The following POLR1B variants were observed in gnomAD, a reference collection of about 807,000 sequenced individuals.
POLR1B encodes the protein DNA-directed RNA polymerase I subunit RPA2.
A neutral mutation model predicts 105.8 loss-of-function variants in POLR1B; 30 were observed. That is an observed-to-expected ratio of 0.28 (90% CI 0.21 to 0.38). The LOEUF (loss-of-function observed/expected upper bound fraction) is 0.38, where lower values mean the gene tolerates loss of function less well. Ranked by LOEUF, POLR1B falls within the 10% of genes least tolerant of loss-of-function variation. The pLI, the probability that POLR1B is intolerant of heterozygous loss-of-function variation, is 1.00. For missense variants in POLR1B, 976 were observed against 1,435.8 expected, an observed-to-expected ratio of 0.68 and a Z score of 5.17; for synonymous variants, 485 against 505.1, an observed-to-expected ratio of 0.96 and a Z score of 0.53.
chr2:112,548,295 T>C (rs1195998950), intron 3 of POLR1B: 1 of 152,170 alleles, frequency 6.6e-6, no homozygotes, highest in Non-Finnish European at 1.5e-5. Context: ...ATCAGTCTTG[T>C]GGTTTGGGGA....
chr2:112,566,735 CTTTTT>C (rs35459414), intron 10 of POLR1B, among the ~76,000 whole-genome samples: 1 of 142,376 alleles, frequency 7.0e-6, no homozygotes. Context: ...AATCATTCCT[CTTTTT>C]TTTTTTTTTT....
chr2:112,550,773 G>A (rs1383495472), intron 4 of POLR1B, 93 bp from the exon 5 acceptor site: 17 of 1,327,768 alleles, frequency 1.3e-5, no homozygotes, highest in Non-Finnish European at 1.8e-5. Context: ...GGCTTTAATT[G>A]TGTCTAAGAG....
Position 112,551,929 on chromosome 2 carries a change from A to T in POLR1B, c.917A>T (p.Glu306Val), listed in dbSNP as rs1174669786. 6.2e-7 allele frequency: 1 copy of T among 1,614,200 alleles called. No homozygotes were observed. Among genetic ancestry groups the T allele is most frequent in the South Asian group, 1.1e-5 (1 of 91,086 alleles). The change falls in exon 6 of 15, where the codon GAA becomes GTA. Residue 306 changes from glutamate (E) to valine (V), a missense_variant. Around this residue, in one of 12 missense-constraint regions of POLR1B, gnomAD observed 452 missense variants for 616.5 expected, o/e 0.73. Transcript: ENST00000263331. ...TQKQVLNYLGECFRVKLNVPD... is the reference protein window; with the variant it reads ...TQKQVLNYLGVCFRVKLNVPD... Reference sequence around the variant, plus strand: ...AAACAGGTCCTTAACTACCTAGGTGAATGCTTCAGAGTAAAACTCAATGTT... The same window carrying T: ...AAACAGGTCCTTAACTACCTAGGTGTATGCTTCAGAGTAAAACTCAATGTT...
In POLR1B at chr2:112,578,148, A is replaced by C. The variant is rs1348012001; in HGVS notation, c.*2419A>C. ...TCACCACTAAGAAATTGGCATTGGA[A>C]CAGTCCACAGAGCTTATTCAAATTT... On this transcript the variant is annotated 3_prime_UTR_variant, in exon 15 of 15. Coordinates refer to ENST00000263331, the MANE Select transcript of POLR1B (RefSeq NM_019014.6). 6.6e-6 allele frequency among the ~76,000 whole-genome samples: 1 copy of C among 152,222 alleles called. No homozygotes were observed. The highest frequency in any genetic ancestry group is 2.4e-5 in the African/African-American group (1 of 41,458).
chr2:112,572,563 T>G lies in POLR1B; in HGVS notation c.2076T>G (p.Gly692=). Residue 692 remains glycine, a splice_region_variant and synonymous_variant, in exon 13 of 15, where the codon GGT becomes GGG. Transcript: ENST00000263331. ...CTAAGATGTTTTTTCTCCATGTAGG[T>G]AAGCAAACTATGGGCTTTCCACTTC... is the stretch of plus-strand genomic sequence containing the variant. ...SPRNMYQCQM[G]KQTMGFPLLT... 6.4e-7 allele frequency: 1 copy of G among 1,566,002 alleles called. No homozygotes were observed. Among genetic ancestry groups the G allele is most frequent in the East Asian group, 2.3e-5 (1 of 43,544 alleles).
intron 3 of POLR1B, chr2:112,548,179 G>A (rs60703755): frequency 0.55 from 83,579 of 152,088 alleles, 23,258 homozygotes; most frequent in Middle Eastern, 0.69. Flanking sequence ...TTGAGTTGAG[G>A]TAATCAAGAT....
At position 112,564,475 on chromosome 2, in the gene POLR1B, C is replaced by T. The variant is rs373513321; in HGVS notation, c.1722C>T (p.Ile574=). Residue 574 remains isoleucine (I), a synonymous_variant, in exon 10 of 15, where the codon ATC becomes ATT. Coordinates refer to ENST00000263331, the MANE Select transcript of POLR1B (RefSeq NM_019014.6). The part of the protein sequence containing the change: ...GWVDKDLAPG[I]ADSLRHFKVL... ...TGGATAAGGATCTTGCTCCAGGCAT[C>T]GCAGATTCTCTTCGTCATTTTAAGG... 122 of 1,614,146 alleles carry T rather than the reference C, an allele frequency of 7.6e-5. 1 individual carries two copies. The highest frequency in any genetic ancestry group is 3.6e-4 in the South Asian group (33 of 91,090).
chr2:112,558,917 C>CT (rs34385497), intron 8 of POLR1B, among the ~76,000 whole-genome samples: 71,021 of 141,542 alleles, frequency 0.5, 18,164 homozygotes, highest in East Asian at 0.66. Context: ...TGTGCCCCGC[C>CT]TTTTTTTTTT....
At chr2:112,573,879 G>A in intron 14 of POLR1B, 64 bp downstream of exon 14, 1 of 1,555,400 alleles carries the variant, frequency 6.4e-7, no homozygotes, top group Non-Finnish European at 8.7e-7. Context: ...CAGGGTCTCA[G>A]TGTGTCAGCC....
intron 1 of POLR1B, among the ~76,000 whole-genome samples, chr2:112,543,725 G>C (rs948572404): frequency 6.6e-6 from 1 of 151,988 alleles, no homozygotes; most frequent in East Asian, 1.9e-4. Flanking sequence ...GACTAGAGGG[G>C]TGGGGGTTAT....
At chr2:112,545,199 G>A (rs761187136) in intron 1 of POLR1B, among the ~76,000 whole-genome samples, 5 of 152,132 alleles carry the variant, frequency 3.3e-5, no homozygotes, top group Non-Finnish European at 7.3e-5. Flanking sequence ...GTGCCTTTAG[G>A]GGAAAATATT....
At position 112,542,660 on chromosome 2, in the gene POLR1B, C is replaced by T. The variant is rs1445085686; in HGVS notation, c.166C>T (p.Leu56Phe). The change falls in exon 1 of 15, where the codon CTC becomes TTC. Residue 56 changes from leucine to phenylalanine, a missense_variant. Physicochemically the swap from Leu to Phe is conservative, Grantham distance 22. Transcript: ENST00000263331. ...CTACGCTGTGCACGAGGGTCTCGGC[C>T]TCGCGGTGCAGGTGAGCGCGGCGTC... ...FNYAVHEGLG[L>F]AVQAIPPFEF... is the part of the protein sequence containing the mutation. 2 of 1,613,318 alleles carry T rather than the reference C, an allele frequency of 1.2e-6. No individual in the cohort carries two copies. The highest frequency in any genetic ancestry group is 3.3e-5 in the Admixed American group (2 of 59,996).
intron 7 of POLR1B, among the ~76,000 whole-genome samples, chr2:112,555,006 C>T (rs1683580127): frequency 6.6e-6 from 1 of 152,170 alleles, no homozygotes; most frequent in South Asian, 2.1e-4. Flanking sequence ...CATTGCAAAA[C>T]CCTGTCTCTA....
intron 9 of POLR1B, among the ~76,000 whole-genome samples, chr2:112,560,359 C>T (rs1225944408): frequency 1.3e-5 from 2 of 152,118 alleles, no homozygotes; most frequent in Non-Finnish European, 2.9e-5. Flanking sequence ...TTTTGCATCT[C>T]TTGGCGGATC....
intron 14 of POLR1B, 76 bp from the exon 15 acceptor site, chr2:112,574,771 A>C: frequency 8.1e-7 from 1 of 1,237,974 alleles, no homozygotes; most frequent in Non-Finnish European, 1.1e-6. Flanking sequence ...TTTATGAAGC[A>C]CTAATTATAT....
rs569450848 is a variant in POLR1B at position 112,559,691 on chromosome 2, C to T, written c.1612+117C>T. The T allele has an allele frequency of 7.5e-5, 93 of 1,236,704 alleles. 1 individual carries two copies. In the Middle Eastern group the frequency reaches 7.6e-4, roughly 10 times the overall value. The allele number at this position is 1,236,704 out of a possible 1,614,324, so 76.6% of individuals were successfully genotyped here. A position where few individuals can be genotyped will look rare whatever the true frequency, so the allele number is the denominator to read the frequency against. ...TGTCGCCCAGGCTGGAGTGCAGTGG[C>T]GCGATCTTGGCTCACTGCAAGCTCT... is the stretch of plus-strand genomic sequence containing the variant. On this transcript the variant is annotated intron_variant, in intron 9 of 14. Coordinates refer to ENST00000263331, the MANE Select transcript of POLR1B (RefSeq NM_019014.6).
chr2:112,556,540 C>T (rs1683671478), intron 7 of POLR1B, among the ~76,000 whole-genome samples: 1 of 152,160 alleles, frequency 6.6e-6, no homozygotes, highest in African/African-American at 2.4e-5. Flanking sequence ...GTGTCACTTC[C>T]AGTGCTGTCT....
chr2:112,549,852 G>A (rs1033777803), intron 4 of POLR1B, among the ~76,000 whole-genome samples: 9 of 152,140 alleles, frequency 5.9e-5, no homozygotes, highest in East Asian at 1.9e-4. Flanking sequence ...AACCACACAC[G>A]CGTGCACACG....
intron 1 of POLR1B, among the ~76,000 whole-genome samples, chr2:112,543,205 C>T (rs941489661): frequency 2.0e-5 from 3 of 152,088 alleles, no homozygotes; most frequent in Non-Finnish European, 4.4e-5. Flanking sequence ...GCATTATTAG[C>T]GTAGAGTAAT....
Sources: allele counts gnomAD v4.1 joint callset (sites outside exome capture counted in the v4.1 genomes callset), GRCh38; gene constraint gnomAD v4.1.1; regional missense constraint gnomAD v4.1.1; transcripts MANE v1.5; gene names NCBI Gene and HGNC (gene_info 2026-07-23, HGNC 2026-07-21).